The following FAM78B variants were observed in gnomAD, a reference collection of about 807,000 sequenced individuals.
The protein encoded by FAM78B is protein FAM78B.
FAM78B carries 10 observed loss-of-function variants against 20.0 expected under a neutral mutation model. That is an observed-to-expected ratio of 0.50 (90% CI 0.31 to 0.85). FAM78B has a LOEUF of 0.85. Among genes scored for constraint, FAM78B ranks in the 40% least tolerant of loss-of-function variants. FAM78B has a pLI of 0.05. For synonymous variants in FAM78B, 135 were observed against 132.8 expected (o/e 1.02, Z -0.12); for missense variants, 283 against 345.0 (o/e 0.82, Z 1.42).
At chr1:166,154,616 G>C (rs1417201452) in intron 1 of FAM78B, 2 of 447,500 alleles carry the variant, frequency 4.5e-6, no homozygotes, top group South Asian at 1.7e-5. Flanking sequence ...TGAAGACCTG[G>C]ACCCTCAGCA....
At chr1:166,124,664 C>A (rs1393476929) in intron 1 of FAM78B, among the ~76,000 whole-genome samples, 1 of 152,220 alleles carries the variant, frequency 6.6e-6, no homozygotes, top group Non-Finnish European at 1.5e-5. Context: ...AGGCTGTGAG[C>A]CCTCCAGGGC....
intron 1 of FAM78B, among the ~76,000 whole-genome samples, chr1:166,142,146 A>T (rs1219080672): frequency 6.6e-6 from 1 of 152,070 alleles, no homozygotes; most frequent in Non-Finnish European, 1.5e-5. Flanking sequence ...CCTTGTGGAG[A>T]GCTATACCCA....
intron 1 of FAM78B, among the ~76,000 whole-genome samples, chr1:166,150,406 A>G (rs1243214722): frequency 6.6e-6 from 1 of 152,244 alleles, no homozygotes; most frequent in African/African-American, 2.4e-5. Flanking sequence ...ACTTTTCTCT[A>G]TAATTGAGGA....
At chr1:166,111,894 T>C (rs1654070781) in intron 1 of FAM78B, among the ~76,000 whole-genome samples, 1 of 152,248 alleles carries the variant, frequency 6.6e-6, no homozygotes, top group Non-Finnish European at 1.5e-5. Flanking sequence ...TATTGCTCTC[T>C]GGCTAAATTT....
chr1:166,110,060 G>A (rs948115905), intron 1 of FAM78B, among the ~76,000 whole-genome samples: 2 of 150,410 alleles, frequency 1.3e-5, no homozygotes, highest in Non-Finnish European at 3.0e-5. Flanking sequence ...ATATGTGGGA[G>A]CTAAGGTATG....
At position 166,166,472 on chromosome 1, in the gene FAM78B, C is replaced by G; in HGVS notation, c.-224G>C. 5.2e-6 allele frequency: 1 copy of G among 192,712 alleles called. No homozygotes were observed. Among genetic ancestry groups the G allele is most frequent in the Non-Finnish European group, 9.6e-6 (1 of 103,738 alleles). 11.9% of individuals were successfully genotyped at this position (192,712 alleles called of 1,614,324 possible). Reference sequence around the variant, plus strand: ...CGACGTCCGCCCACGCCCGCCCCCTCGCTCCGGCAGGGCGCGCGGAGGGTG... The same window carrying G: ...CGACGTCCGCCCACGCCCGCCCCCTGGCTCCGGCAGGGCGCGCGGAGGGTG... On this transcript the variant is annotated 5_prime_UTR_variant, in exon 1 of 2. Transcript: ENST00000354422.
chr1:166,096,471 G>C (rs571917745), intron 1 of FAM78B, among the ~76,000 whole-genome samples: 1 of 152,134 alleles, frequency 6.6e-6, no homozygotes, highest in Non-Finnish European at 1.5e-5. Context: ...ACAACCTCTC[G>C]ATGGTTGGTC....
downstream of FAM78B, among the ~76,000 whole-genome samples, chr1:166,064,849 T>C (rs1247154008): frequency 6.6e-6 from 1 of 152,234 alleles, no homozygotes; most frequent in African/African-American, 2.4e-5. Flanking sequence ...CTGGGCTGTA[T>C]TAATATCTCA....
At chr1:166,161,900 C>A (rs1364007238) in intron 1 of FAM78B, among the ~76,000 whole-genome samples, 2 of 152,210 alleles carry the variant, frequency 1.3e-5, no homozygotes, top group African/African-American at 4.8e-5. Context: ...CGAAGACACA[C>A]ACACATCTGG....
intron 1 of FAM78B, among the ~76,000 whole-genome samples, chr1:166,149,903 T>A (rs986642416): frequency 6.6e-6 from 1 of 152,022 alleles, no homozygotes; most frequent in Admixed American, 6.6e-5. Context: ...CTTGGTCTCC[T>A]CTCCCACCTC....
chr1:166,104,965 G>C (rs147038706), intron 1 of FAM78B, among the ~76,000 whole-genome samples: 110 of 151,992 alleles, frequency 7.2e-4, no homozygotes, highest in African/African-American at 2.4e-3. Context: ...TACTACAAGG[G>C]TAGAGTAACC....
downstream of FAM78B, among the ~76,000 whole-genome samples, chr1:166,066,830 T>C (rs1651812360): frequency 6.6e-6 from 1 of 152,196 alleles, no homozygotes; most frequent in South Asian, 2.1e-4. Flanking sequence ...GGTAGGGGAC[T>C]AGTCTCCAAC....
downstream of FAM78B, among the ~76,000 whole-genome samples, chr1:166,056,143 C>T (rs532005901): frequency 6.6e-6 from 1 of 152,110 alleles, no homozygotes; most frequent in Non-Finnish European, 1.5e-5. Flanking sequence ...TAAAAATACT[C>T]CCTCACCCCA....
At chr1:166,066,172 G>C (rs1651786559), downstream of FAM78B, among the ~76,000 whole-genome samples, 1 of 152,074 alleles carries the variant, frequency 6.6e-6, no homozygotes, top group Non-Finnish European at 1.5e-5. Context: ...CCCCTTTTTG[G>C]CCTTGTGGTG....
intron 1 of FAM78B, among the ~76,000 whole-genome samples, chr1:166,135,500 T>C (rs910805848): frequency 6.6e-6 from 1 of 152,234 alleles, no homozygotes; most frequent in Non-Finnish European, 1.5e-5. Flanking sequence ...GTGTATCATG[T>C]ATTGCTCCTT....
intron 1 of FAM78B, among the ~76,000 whole-genome samples, chr1:166,081,528 G>A (rs553295215): frequency 6.6e-6 from 1 of 152,302 alleles, no homozygotes; most frequent in East Asian, 1.9e-4. Flanking sequence ...AATGCCTGCA[G>A]AGCGCCGTGC....
chr1:166,070,338 G>T lies in FAM78B; in HGVS notation c.689C>A (p.Pro230His). The T allele has an allele frequency of 6.2e-7, 1 of 1,610,852 alleles. No homozygotes were observed. The highest frequency in any genetic ancestry group is 8.5e-7 in the Non-Finnish European group (1 of 1,178,074). The change falls in exon 2 of 2, where the codon CCC becomes CAC. Residue 230 changes from proline (P) to histidine (H), a missense_variant. By Grantham distance (77) the Pro-to-His change is moderately conservative. Coordinates refer to ENST00000354422, the MANE Select transcript of FAM78B (RefSeq NM_001017961.5). The part of the protein sequence containing the change: ...PRILSRMEPI[P>H]PNALVKPNAN... ...ATTGGGTTTCACTAGTGCATTAGGG[G>T]GGATGGGTTCCATCCGGCTCAGGAT...
downstream of FAM78B, among the ~76,000 whole-genome samples, chr1:166,064,570 A>T (rs1464962162): frequency 6.6e-6 from 1 of 151,990 alleles, no homozygotes; most frequent in Non-Finnish European, 1.5e-5. Context: ...TCTTTCCTTG[A>T]CCACCAGGTT....
chr1:166,106,835 C>G (rs796214806), intron 1 of FAM78B, among the ~76,000 whole-genome samples: 7 of 152,036 alleles, frequency 4.6e-5, no homozygotes, highest in African/African-American at 1.7e-4. Flanking sequence ...ACACAATATA[C>G]CATGTAAGAA....
Sources: allele counts gnomAD v4.1 joint callset (sites outside exome capture counted in the v4.1 genomes callset), GRCh38; gene constraint gnomAD v4.1.1; transcripts MANE v1.5; gene names NCBI Gene and HGNC (gene_info 2026-07-23, HGNC 2026-07-21).